The following CAMK1D variants were observed in gnomAD, a reference collection of about 807,000 sequenced individuals.
The protein encoded by CAMK1D is calcium/calmodulin dependent protein kinase ID, also known as calcium/calmodulin-dependent protein kinase type 1D.
CAMK1D carries 9 observed loss-of-function variants against 47.7 expected under a neutral mutation model. The observed-to-expected ratio is 0.19, with a 90% CI of 0.11 to 0.33. The LOEUF (loss-of-function observed/expected upper bound fraction) is 0.33, where lower values mean the gene tolerates loss of function less well. CAMK1D is among the 10% of genes least tolerant of loss of function. The pLI, the probability that CAMK1D is intolerant of heterozygous loss-of-function variation, is 1.00. For missense variants in CAMK1D, 291 were observed against 488.7 expected (o/e 0.60, Z 3.81); for synonymous variants, 184 against 184.9 (o/e 0.99, Z 0.04).
intron 1 of CAMK1D, among the ~76,000 whole-genome samples, chr10:12,490,521 A>G (rs1834350642): frequency 6.6e-6 from 1 of 152,200 alleles, no homozygotes; most frequent in African/African-American, 2.4e-5. Context: ...GAATTAGGGC[A>G]GTCTCACTGA....
At chr10:12,636,408 G>T (rs1839512496) in intron 2 of CAMK1D, among the ~76,000 whole-genome samples, 1 of 152,170 alleles carries the variant, frequency 6.6e-6, no homozygotes, top group African/African-American at 2.4e-5. Context: ...GCTCACCGCA[G>T]CCTTGACCTC....
At chr10:12,704,639 T>G (rs1833663531) in intron 3 of CAMK1D, among the ~76,000 whole-genome samples, 1 of 152,202 alleles carries the variant, frequency 6.6e-6, no homozygotes, top group South Asian at 2.1e-4. Context: ...TATGGATGAT[T>G]GACAGTTTAT....
chr10:12,419,655 C>CAT (rs1029145835), intron 1 of CAMK1D, among the ~76,000 whole-genome samples: 2 of 151,918 alleles, frequency 1.3e-5, no homozygotes, highest in Admixed American at 1.3e-4. Flanking sequence ...CACACACACA[C>CAT]ACACACACAC....
In CAMK1D at chr10:12,833,815, GTTC is replaced by G. The variant is rs1833459044; in HGVS notation, c.*4933_*4935del. The G allele has an allele frequency of 3.4e-5, 5 of 148,200 alleles. No homozygotes were observed. The South Asian group carries it at 1.1e-3, about 32-fold the overall frequency. The allele number at this position is 148,200 out of a possible 1,614,324, so 9.2% of individuals were successfully genotyped here. The stretch of plus-strand genomic sequence containing the variant: ...CAGCCAGTGCACGAAACCTTTGCAT[GTTC>G]TTCTGAAACTGTACTTCTTCCCTAT... On this transcript the variant is annotated 3_prime_UTR_variant, in exon 11 of 11. Coordinates refer to ENST00000619168, the MANE Select transcript of CAMK1D (RefSeq NM_153498.4).
intron 2 of CAMK1D, among the ~76,000 whole-genome samples, chr10:12,592,249 A>G (rs1838019273): frequency 6.6e-6 from 1 of 152,070 alleles, no homozygotes; most frequent in Non-Finnish European, 1.5e-5. Context: ...GATGTCAGGC[A>G]CCCTCTATCT....
chr10:12,417,580 G>A (rs1447012871), intron 1 of CAMK1D, among the ~76,000 whole-genome samples: 1 of 152,120 alleles, frequency 6.6e-6, no homozygotes, highest in Non-Finnish European at 1.5e-5. Context: ...CTGTTGGCCT[G>A]GGAACTGGGG....
intron 6 of CAMK1D, among the ~76,000 whole-genome samples, chr10:12,792,144 G>T (rs1176344133): frequency 2.0e-5 from 3 of 152,116 alleles, no homozygotes; most frequent in Non-Finnish European, 2.9e-5. Flanking sequence ...ATCTCCCAAA[G>T]AAATCATAAT....
intron 2 of CAMK1D, among the ~76,000 whole-genome samples, chr10:12,641,595 G>C (rs1839667501): frequency 6.6e-6 from 1 of 151,466 alleles, no homozygotes; most frequent in Non-Finnish European, 1.5e-5. Flanking sequence ...TTCCAGCCTG[G>C]GTGGCAGAGT....
At chr10:12,473,663 G>A (rs747526448) in intron 1 of CAMK1D, among the ~76,000 whole-genome samples, 2 of 151,962 alleles carry the variant, frequency 1.3e-5, no homozygotes, top group Non-Finnish European at 2.9e-5. Context: ...AGCCCGGGGA[G>A]TCTACACTGG....
chr10:12,788,480 G>A (rs967209870), intron 5 of CAMK1D, among the ~76,000 whole-genome samples: 4 of 152,166 alleles, frequency 2.6e-5, no homozygotes, highest in East Asian at 1.9e-4. Flanking sequence ...CCCAACACAC[G>A]CTGTCAGCTC....
intron 1 of CAMK1D, among the ~76,000 whole-genome samples, chr10:12,406,829 C>T (rs1261882548): frequency 6.6e-6 from 1 of 150,802 alleles, no homozygotes; most frequent in African/African-American, 2.4e-5. Flanking sequence ...TAAGTCTGTG[C>T]CTCCAGTTGT....
chr10:12,751,536 A>T (rs1297159733), intron 3 of CAMK1D, among the ~76,000 whole-genome samples: 1 of 152,218 alleles, frequency 6.6e-6, no homozygotes, highest in African/African-American at 2.4e-5. Context: ...TGGAGTTCAC[A>T]GTCTGGGATA....
intron 3 of CAMK1D, among the ~76,000 whole-genome samples, chr10:12,733,573 A>G (rs903237425): frequency 6.6e-6 from 1 of 152,222 alleles, no homozygotes; most frequent in African/African-American, 2.4e-5. Context: ...TTCAGGATTA[A>G]CCATTCCACA....
chr10:12,648,378 T>A (rs1359407056), intron 2 of CAMK1D, among the ~76,000 whole-genome samples: 1 of 152,226 alleles, frequency 6.6e-6, no homozygotes, highest in South Asian at 2.1e-4. Flanking sequence ...GTAATGGTTA[T>A]GTTTTCAGTG....
chr10:12,425,075 C>T (rs561362079), intron 1 of CAMK1D, among the ~76,000 whole-genome samples: 8 of 152,096 alleles, frequency 5.3e-5, no homozygotes, highest in Non-Finnish European at 8.8e-5. Flanking sequence ...CCACACTGGA[C>T]GGTGGGGGCT....
intron 1 of CAMK1D, among the ~76,000 whole-genome samples, chr10:12,425,844 T>C (rs1840212536): frequency 6.6e-6 from 1 of 152,374 alleles, no homozygotes; most frequent in African/African-American, 2.4e-5. Flanking sequence ...ATTTATCAGT[T>C]GTCCCACTTT....
At position 12,742,595 on chromosome 10, in the gene CAMK1D, T is replaced by C. The variant is rs542319634; in HGVS notation, c.300-18353T>C. On this transcript the variant is annotated intron_variant, in intron 3 of 10. Coordinates refer to ENST00000619168, the MANE Select transcript of CAMK1D (RefSeq NM_153498.4). ...ACCCTCTTTTTAAAATTATGTCTGG[T>C]AGATTTTGAAGCAAATCACGTGAGC... Among the ~76,000 whole-genome samples, 9 of 152,334 alleles carry C rather than the reference T, an allele frequency of 5.9e-5. No individual in the cohort carries two copies. In the South Asian group the frequency reaches 8.3e-4, roughly 14 times the overall value.
At chr10:12,805,511 C>T (rs1042939763) in intron 6 of CAMK1D, among the ~76,000 whole-genome samples, 1 of 151,674 alleles carries the variant, frequency 6.6e-6, no homozygotes, top group Non-Finnish European at 1.5e-5. Context: ...GCTGGGATTA[C>T]AGGCGTGCGC....
In CAMK1D at chr10:12,546,091, A is replaced by G. The variant is rs76897865; in HGVS notation, c.93-7134A>G. ...ACGGGTAACGTGCAAAGGGATTTGAACTCGATCCCATAGACATGAAACCTC... is the reference window on the plus strand; with the variant it reads ...ACGGGTAACGTGCAAAGGGATTTGAGCTCGATCCCATAGACATGAAACCTC... On this transcript the variant is annotated intron_variant, in intron 1 of 10. Coordinates refer to ENST00000619168, the MANE Select transcript of CAMK1D (RefSeq NM_153498.4). 3.2e-4 allele frequency among the ~76,000 whole-genome samples: 49 copies of G among 152,268 alleles called. 1 individual carries two copies. The East Asian group carries it at 8.5e-3, about 26-fold the overall frequency.
Sources: allele counts gnomAD v4.1 joint callset (sites outside exome capture counted in the v4.1 genomes callset), GRCh38; gene constraint gnomAD v4.1.1; transcripts MANE v1.5; gene names NCBI Gene and HGNC (gene_info 2026-07-23, HGNC 2026-07-21).